The following PRMT7 variants were observed in gnomAD, a reference collection of about 807,000 sequenced individuals.
The protein encoded by PRMT7 is protein arginine methyltransferase 7.
Under a neutral mutation model 85.4 loss-of-function variants are expected in PRMT7, and 75 were observed. The observed-to-expected ratio is 0.88, with a 90% CI of 0.73 to 1.06. The LOEUF is 1.06. Among genes scored for constraint, PRMT7 ranks in the 50% least tolerant of loss-of-function variants. The pLI is 0.00. For missense variants in PRMT7, 868 were observed against 915.2 expected, an observed-to-expected ratio of 0.95 and a Z score of 0.67; for synonymous variants, 397 against 359.5, an observed-to-expected ratio of 1.10 and a Z score of -1.18.
chr16:68,346,178 C>T lies in PRMT7; in HGVS notation c.1089C>T (p.Arg363=), dbSNP rs2086334713. The T allele has an allele frequency of 1.2e-6, 2 of 1,614,012 alleles. No individual in the cohort carries two copies. The highest frequency in any genetic ancestry group is 1.7e-6 in the Non-Finnish European group (2 of 1,180,044). The part of the protein sequence containing the change: ...PEKNERVRQM[R]PVCDCQAHLL... ...AGAATGAGAGAGTCCGCCAGATGCG[C>T]CCCGTGTGTGACTGCCAGGCTCACC... The change falls in exon 11 of 19, where the codon CGC becomes CGT. Residue 363 remains arginine (R), a synonymous_variant. Transcript: ENST00000441236.
At chr16:68,348,268 T>C (rs1311593538) in intron 13 of PRMT7, 74 bp from the exon 14 acceptor site, 1 of 1,264,556 alleles carries the variant, frequency 7.9e-7, no homozygotes, top group Non-Finnish European at 1.1e-6. Context: ...GAATGCAACT[T>C]TGAGAGATTT....
chr16:68,347,087 G>T (rs933933918), intron 11 of PRMT7, 124 bp from the exon 12 acceptor site: 1 of 811,296 alleles, frequency 1.2e-6, no homozygotes, highest in South Asian at 1.6e-5. Flanking sequence ...GCATGAGGAC[G>T]CAGGGGGATG....
intron 9 of PRMT7, among the ~76,000 whole-genome samples, chr16:68,343,222 G>A (rs963265311): frequency 6.6e-6 from 1 of 151,790 alleles, no homozygotes; most frequent in Non-Finnish European, 1.5e-5. Context: ...AAAAAAGTTA[G>A]TACTTTTAAT....
At position 68,357,459 on chromosome 16, in the gene PRMT7, A is replaced by T. The variant is rs1376797451; in HGVS notation, c.*235A>T. The T allele has an allele frequency of 1.5e-4, 73 of 485,066 alleles. No individual in the cohort carries two copies. The highest frequency in any genetic ancestry group is 2.5e-4 in the Non-Finnish European group (68 of 277,358). 30.0% of individuals were successfully genotyped at this position (485,066 alleles called of 1,614,324 possible). On this transcript the variant is annotated 3_prime_UTR_variant, in exon 19 of 19. Transcript: ENST00000441236. The stretch of plus-strand genomic sequence containing the variant: ...TTGGAGCCCTGGAGGGGCTGGGAAG[A>T]CCCCCCTGCTTGTGCTTCTGAGGTG...
intron 6 of PRMT7, among the ~76,000 whole-genome samples, chr16:68,330,179 C>T (rs965716712): frequency 6.6e-6 from 1 of 152,184 alleles, no homozygotes; most frequent in African/African-American, 2.4e-5. Flanking sequence ...TAAGCGTGAG[C>T]CACCATGCCT....
At chr16:68,323,090 G>T (rs1787188565) in intron 4 of PRMT7, among the ~76,000 whole-genome samples, 1 of 151,972 alleles carries the variant, frequency 6.6e-6, no homozygotes, top group Admixed American at 6.6e-5. Context: ...TTGTATCTAA[G>T]ACATAAATGC....
intron 6 of PRMT7, among the ~76,000 whole-genome samples, chr16:68,336,051 A>G (rs2084640738): frequency 6.6e-6 from 1 of 152,158 alleles, no homozygotes; most frequent in South Asian, 2.1e-4. Context: ...TGCTGGGATT[A>G]CAGGCGGGAG....
At chr16:68,323,220 T>TA (rs1567649233) in intron 4 of PRMT7, among the ~76,000 whole-genome samples, 23 of 64,452 alleles carry the variant, frequency 3.6e-4, no homozygotes, top group African/African-American at 3.3e-3. Flanking sequence ...TTTCTTTCTT[T>TA]CTTTTTTTTT....
At chr16:68,329,267 A>G (rs2083516885) in intron 6 of PRMT7, 93 bp downstream of exon 6, 1 of 946,860 alleles carries the variant, frequency 1.1e-6, no homozygotes, top group Non-Finnish European at 1.7e-6. Flanking sequence ...AATCCAGGTC[A>G]TAGCATAGAA....
intron 3 of PRMT7, among the ~76,000 whole-genome samples, chr16:68,316,283 A>T (rs2081845059): frequency 6.6e-6 from 1 of 152,218 alleles, no homozygotes; most frequent in Non-Finnish European, 1.5e-5. Context: ...GACATTATGT[A>T]GCAGCCTTAG....
In PRMT7 at chr16:68,339,776, A is replaced by G. The variant is rs148802742; in HGVS notation, c.747-12A>G. 45 of 1,611,360 alleles carry G rather than the reference A, an allele frequency of 2.8e-5. No homozygotes were observed. In the East Asian group the frequency reaches 9.6e-4, roughly 34 times the overall value. On this transcript the variant is annotated splice_polypyrimidine_tract_variant and intron_variant, in intron 8 of 18. Transcript: ENST00000441236. Reference sequence around the variant, plus strand: ...TTAAACTCTGCTTACATTCTTGAATATTATTCCTCAGCATAGACTTCAGCA... The same window carrying G: ...TTAAACTCTGCTTACATTCTTGAATGTTATTCCTCAGCATAGACTTCAGCA...
chr16:68,329,117 T>G lies in PRMT7; in HGVS notation c.334T>G (p.Phe112Val). ...AAVKIVEKNGFSDKIKVINKH... is the reference protein window; with the variant it reads ...AAVKIVEKNGVSDKIKVINKH... ...TGTGAAGATTGTGGAGAAAAATGGC[T>G]TTAGTGATAAGATTAAGGTTATCAA... Residue 112 changes from phenylalanine to valine, a missense_variant, in exon 6 of 19, where the codon TTT (phenylalanine) becomes GTT (valine). Physicochemically the swap from Phe to Val is conservative, Grantham distance 50. Transcript: ENST00000441236. The G allele has an allele frequency of 1.2e-6, 2 of 1,613,022 alleles. No homozygotes were observed. Among genetic ancestry groups the G allele is most frequent in the Non-Finnish European group, 1.7e-6 (2 of 1,179,052 alleles).
chr16:68,347,349 T>G, intron 12 of PRMT7, 55 bp downstream of exon 12: 1 of 1,474,140 alleles, frequency 6.8e-7, no homozygotes, highest in East Asian at 2.5e-5. Context: ...GTTAGAGCAT[T>G]GCGTGGTCCG....
At chr16:68,356,595 A>G (rs2088555897) in intron 17 of PRMT7, 106 bp from the exon 18 acceptor site, 1 of 791,408 alleles carries the variant, frequency 1.3e-6, no homozygotes, top group East Asian at 2.7e-5. Flanking sequence ...CAGGGCAGGA[A>G]GGAAGTGGGG....
Position 68,357,304 on chromosome 16 carries a change from C to T in PRMT7, c.*80C>T. The T allele has an allele frequency of 2.1e-6, 3 of 1,400,586 alleles. No homozygotes were observed. Among genetic ancestry groups the T allele is most frequent in the Non-Finnish European group, 9.7e-7 (1 of 1,028,840 alleles). The allele number at this position is 1,400,586 out of a possible 1,614,324, so 86.8% of individuals were successfully genotyped here. ...TTTCTAGCGGGGAAGGCTGAAGGCC[C>T]TCCTCTCCTCTCTGGGAGCTGCTCG... On this transcript the variant is annotated 3_prime_UTR_variant, in exon 19 of 19. Transcript: ENST00000441236.
chr16:68,324,741 A>G lies in PRMT7; in HGVS notation c.191A>G (p.Gln64Arg), dbSNP rs1214785693. Residue 64 changes from glutamine (Q) to arginine (R), a missense_variant, in exon 5 of 19, where the codon CAG (glutamine) becomes CGG (arginine). Gln to Arg is a conservative substitution (Grantham distance 43, BLOSUM62 1). Transcript: ENST00000441236. Reference sequence around the variant, plus strand: ...GTGAGCAGGGTGAAGGACAGAGGACAGAAGGCCTTGGTTCTCGACATTGGC... The same window carrying G: ...GTGAGCAGGGTGAAGGACAGAGGACGGAAGGCCTTGGTTCTCGACATTGGC... ...AAVSRVKDRG[Q>R]KALVLDIGTG... 1.9e-6 allele frequency: 3 copies of G among 1,614,106 alleles called. No homozygotes were observed. Among genetic ancestry groups the G allele is most frequent in the Non-Finnish European group, 2.5e-6 (3 of 1,179,986 alleles).
In PRMT7 at chr16:68,321,111, A is replaced by G. The variant is rs575544230; in HGVS notation, c.96-315A>G. On this transcript the variant is annotated intron_variant, in intron 3 of 18. Coordinates refer to ENST00000441236, the MANE Select transcript of PRMT7 (RefSeq NM_019023.5). ...TAGTGAAACCCCATCTCTAATGTAA[A>G]TACAAAAATTAGCCAGGCGTGGTGG... Among the ~76,000 whole-genome samples the G allele has an allele frequency of 5.3e-5, 8 of 152,202 alleles. No homozygotes were observed. The East Asian group carries it at 1.5e-3, about 29-fold the overall frequency.
intron 16 of PRMT7, 21 bp downstream of exon 16, chr16:68,353,587 C>T: frequency 6.4e-7 from 1 of 1,550,390 alleles, no homozygotes; most frequent in Non-Finnish European, 8.7e-7. Flanking sequence ...CCACACTCTG[C>T]ATAGTACCCC....
At chr16:68,352,219 C>T (rs1567738006) in intron 14 of PRMT7, 29 bp from the exon 15 acceptor site, 2 of 1,608,792 alleles carry the variant, frequency 1.2e-6, no homozygotes, top group South Asian at 1.1e-5. Flanking sequence ...CTACTGACAC[C>T]TGGGCCCTGC....
Sources: gnomAD v4.1 joint callset for allele counts (sites outside exome capture counted in the v4.1 genomes callset) on GRCh38, gnomAD v4.1.1 for gene constraint, MANE v1.5 for transcripts, NCBI Gene and HGNC (gene_info 2026-07-23, HGNC 2026-07-21) for gene names.